Variants in LRSAM1 observed in about 807,000 individuals in gnomAD.
The protein encoded by LRSAM1 is leucine rich repeat and sterile alpha motif containing 1.
In LRSAM1, 96 loss-of-function variants were observed where a neutral mutation model predicts 118.1. That is an observed-to-expected ratio of 0.81 (90% CI 0.69 to 0.96). The LOEUF (loss-of-function observed/expected upper bound fraction) is 0.96, where lower values mean the gene tolerates loss of function less well. LRSAM1 is among the 40% of genes least tolerant of loss of function. The probability of loss-of-function intolerance (pLI) is 0.00; values close to 1 mark genes in which losing one functional copy is unlikely to be tolerated. For missense variants in LRSAM1, 804 were observed against 915.5 expected (o/e 0.88, Z 1.57); for synonymous variants, 322 against 364.2 (o/e 0.88, Z 1.32).
chr9:127,471,928 G>A (rs944694012), intron 10 of LRSAM1, among the ~76,000 whole-genome samples: 3 of 151,158 alleles, frequency 2.0e-5, no homozygotes, highest in Non-Finnish European at 2.9e-5. Context: ...CTCCCGAAGC[G>A]CTGGCATTAC....
At chr9:127,463,914 G>A (rs1834839976) in intron 9 of LRSAM1, among the ~76,000 whole-genome samples, 1 of 152,244 alleles carries the variant, frequency 6.6e-6, no homozygotes, top group Admixed American at 6.5e-5. Context: ...TGAAGAAACT[G>A]AGGCACAGGC....
At chr9:127,490,626 CCT>C (rs1430212783) in intron 19 of LRSAM1, among the ~76,000 whole-genome samples, 3 of 152,172 alleles carry the variant, frequency 2.0e-5, no homozygotes, top group Non-Finnish European at 4.4e-5. Flanking sequence ...CAAGTGAGAA[CCT>C]CTCTGAGCCT....
intron 3 of LRSAM1, 40 bp from the exon 4 acceptor site, chr9:127,454,957 GT>G (rs1564248664): frequency 6.3e-7 from 1 of 1,596,920 alleles, no homozygotes; most frequent in Admixed American, 1.7e-5. Context: ...CTGCAAAGGT[GT>G]TTTGTCTTAA....
intron 9 of LRSAM1, among the ~76,000 whole-genome samples, chr9:127,464,094 C>T (rs1338107138): frequency 6.6e-6 from 1 of 152,200 alleles, no homozygotes; most frequent in Non-Finnish European, 1.5e-5. Flanking sequence ...TCCGGAGTGG[C>T]CTGGAGTTGA....
chr9:127,481,160 A>G (rs779770233), intron 14 of LRSAM1, 23 bp from the exon 15 acceptor site: 2 of 1,613,852 alleles, frequency 1.2e-6, no homozygotes, highest in East Asian at 4.5e-5. Context: ...GACTGCCAGG[A>G]CCTTTTATGA....
chr9:127,479,631 C>T lies in LRSAM1; in HGVS notation c.903+126C>T, dbSNP rs943252096. 27 of 1,461,400 alleles carry T rather than the reference C, an allele frequency of 1.8e-5. No individual in the cohort carries two copies. The African/African-American group carries it at 3.5e-4, about 19-fold the overall frequency. The allele number at this position is 1,461,400 out of a possible 1,614,324, so 90.5% of individuals were successfully genotyped here. On this transcript the variant is annotated intron_variant, in intron 13 of 25. Coordinates refer to ENST00000300417, the MANE Select transcript of LRSAM1 (RefSeq NM_001005373.4). ...GAAGCTGTCACTTCCTTCTGTCCCC[C>T]AGCACCTGGGAGGGCCCTTACAGAT...
intron 4 of LRSAM1, 111 bp downstream of exon 4, chr9:127,455,165 TAGTC>T: frequency 9.5e-7 from 1 of 1,057,570 alleles, no homozygotes; most frequent in Non-Finnish European, 1.5e-6. Context: ...CCAGAAGCTC[TAGTC>T]ACGAGATGTT....
intron 21 of LRSAM1, 24 bp downstream of exon 21, chr9:127,492,921 A>G (rs1835987919): frequency 6.3e-7 from 1 of 1,593,570 alleles, no homozygotes; most frequent in Non-Finnish European, 8.6e-7. Context: ...TTCTGTGCTC[A>G]GCATCACACA....
rs1252482117 is a variant in LRSAM1 at position 127,474,949 on chromosome 9, C to T, written c.750+1018C>T. 2.6e-5 allele frequency among the ~76,000 whole-genome samples: 4 copies of T among 152,234 alleles called. No homozygotes were observed. The East Asian group carries it at 5.8e-4, about 22-fold the overall frequency. On this transcript the variant is annotated intron_variant, in intron 11 of 25. Transcript: ENST00000300417. ...ATCACTGGGCAGGAGTACCAGCTGCCGGGCATTTGGCTTCATATCTTCCAC... is the reference window on the plus strand; with the variant it reads ...ATCACTGGGCAGGAGTACCAGCTGCTGGGCATTTGGCTTCATATCTTCCAC...
intron 23 of LRSAM1, 91 bp downstream of exon 23, chr9:127,496,186 G>T: frequency 1.3e-6 from 2 of 1,550,818 alleles, no homozygotes; most frequent in Non-Finnish European, 1.7e-6. Flanking sequence ...TGTAGTCCTC[G>T]TTGAGGCCTG....
At chr9:127,493,877 C>T (rs1238803520) in intron 21 of LRSAM1, among the ~76,000 whole-genome samples, 1 of 152,232 alleles carries the variant, frequency 6.6e-6, no homozygotes, top group African/African-American at 2.4e-5. Flanking sequence ...CGTGAATGCA[C>T]CAGATGCCCT....
intron 9 of LRSAM1, among the ~76,000 whole-genome samples, chr9:127,463,592 T>C (rs188022366): frequency 3.3e-5 from 5 of 152,282 alleles, no homozygotes; most frequent in African/African-American, 1.2e-4. Flanking sequence ...ACCAGTCACA[T>C]TGGATTAGGG....
Position 127,497,276 on chromosome 9 carries a change from G to A in LRSAM1, c.1854G>A (p.Leu618=). ...LAKVGVSEAG[L]QHEILRRVQE... is the part of the protein sequence containing the mutation. Reference sequence around the variant, plus strand: ...AGGTGGGCGTCTCAGAAGCTGGCCTGCAGCACGAGATCCTCCGGAGAGTCC... The same window carrying A: ...AGGTGGGCGTCTCAGAAGCTGGCCTACAGCACGAGATCCTCCGGAGAGTCC... Residue 618 remains leucine (L), a synonymous_variant, in exon 24 of 26, where the codon CTG becomes CTA. Coordinates refer to ENST00000300417, the MANE Select transcript of LRSAM1 (RefSeq NM_001005373.4). 2.5e-6 allele frequency: 4 copies of A among 1,613,240 alleles called. No homozygotes were observed. Among genetic ancestry groups the A allele is most frequent in the Non-Finnish European group, 3.4e-6 (4 of 1,179,984 alleles).
Position 127,462,388 on chromosome 9 carries a change from G to A in LRSAM1, c.528+15G>A, listed in dbSNP as rs758039190. 12 of 1,613,738 alleles carry A rather than the reference G, an allele frequency of 7.4e-6. No individual in the cohort carries two copies. The Admixed American group carries it at 1.8e-4, about 25-fold the overall frequency. Reference sequence around the variant, plus strand: ...GAACCCTGGAGGTAAATGGGAAGCTGTTCTTGCCTGGGGTGCTCTCTGGCC... The same window carrying A: ...GAACCCTGGAGGTAAATGGGAAGCTATTCTTGCCTGGGGTGCTCTCTGGCC... On this transcript the variant is annotated intron_variant, in intron 9 of 25. Coordinates refer to ENST00000300417, the MANE Select transcript of LRSAM1 (RefSeq NM_001005373.4).
In LRSAM1 at chr9:127,497,207, G is replaced by C. The variant is rs764328571; in HGVS notation, c.1831-46G>C. ...TGCCACGTGGCTCACACCATTTAGC[G>C]GGCTCCCGCCCAGGCCACAGTCTGC... On this transcript the variant is annotated intron_variant, in intron 23 of 25. Transcript: ENST00000300417. 3.8e-6 allele frequency: 6 copies of C among 1,599,974 alleles called. No individual in the cohort carries two copies. In the Admixed American group the frequency reaches 1.0e-4, roughly 27 times the overall value.
At position 127,456,426 on chromosome 9, in the gene LRSAM1, T is replaced by C. The variant is rs533320263; in HGVS notation, c.174+806T>C. Among the ~76,000 whole-genome samples, 70 of 152,032 alleles carry C rather than the reference T, an allele frequency of 4.6e-4. 1 individual carries two copies. The South Asian group carries it at 0.014, about 31-fold the overall frequency. On this transcript the variant is annotated intron_variant, in intron 5 of 25. Transcript: ENST00000300417. ...TTTTTGTATTTTTAGAGATGAGGTT[T>C]TGCCATGTTGGCCAGGCTGGTCTCG...
intron 11 of LRSAM1, among the ~76,000 whole-genome samples, chr9:127,476,262 C>T (rs1835347374): frequency 6.6e-6 from 1 of 152,116 alleles, no homozygotes; most frequent in Non-Finnish European, 1.5e-5. Context: ...CGCTGGGACA[C>T]ATGGATTAGT....
intron 12 of LRSAM1, 134 bp downstream of exon 12, chr9:127,479,097 A>C (rs113806052): frequency 9.9e-7 from 1 of 1,011,174 alleles, no homozygotes; most frequent in Non-Finnish European, 1.5e-6. Flanking sequence ...TCTTACACGC[A>C]GTCTGCTGCA....
rs1447402028 is a variant in LRSAM1 at position 127,489,592 on chromosome 9, C to T, written c.1422+74C>T. ...AGAGTGGCCCTCCAGGGCGGCAGGT[C>T]GCAGCAGTTGAGGTTTGAACCCCAG... On this transcript the variant is annotated intron_variant, in intron 19 of 25. Coordinates refer to ENST00000300417, the MANE Select transcript of LRSAM1 (RefSeq NM_001005373.4). 8 of 1,509,548 alleles carry T rather than the reference C, an allele frequency of 5.3e-6. No homozygotes were observed. In the East Asian group the frequency reaches 9.6e-5, roughly 18 times the overall value. 93.5% of individuals were successfully genotyped at this position (1,509,548 alleles called of 1,614,324 possible).
Sources: allele counts gnomAD v4.1 joint callset (sites outside exome capture counted in the v4.1 genomes callset), GRCh38; gene constraint gnomAD v4.1.1; transcripts MANE v1.5; gene names NCBI Gene and HGNC (gene_info 2026-07-23, HGNC 2026-07-21).